PRPF31: variants seen among roughly 807,000 people sequenced by gnomAD.
The protein encoded by PRPF31 is pre-mRNA processing factor 31.
Under a neutral mutation model 60.4 loss-of-function variants are expected in PRPF31, and 12 were observed. The ratio of observed to expected loss-of-function variants is 0.20; its 90% CI spans 0.13 to 0.32. PRPF31 has a LOEUF of 0.32. PRPF31 is among the 10% of genes least tolerant of loss of function. The pLI, the probability that PRPF31 is intolerant of heterozygous loss-of-function variation, is 1.00. For missense variants in PRPF31, 431 were observed against 687.1 expected (o/e 0.63, Z 4.17); for synonymous variants, 287 against 287.9 (o/e 1.00, Z 0.03).
chr19:54,124,971 G>A (rs765677329), intron 8 of PRPF31: 16 of 521,388 alleles, frequency 3.1e-5, no homozygotes, highest in Non-Finnish European at 5.2e-5. Flanking sequence ...TTCAGGCCTA[G>A]CTCACGACAA....
intron 4 of PRPF31, 88 bp downstream of exon 4, chr19:54,122,031 G>T: frequency 7.4e-7 from 1 of 1,350,842 alleles, no homozygotes. Context: ...CCAGGGTCCT[G>T]CCCCTAAGCC....
At chr19:54,122,053 C>T in intron 4 of PRPF31, 110 bp downstream of exon 4, 6 of 1,131,492 alleles carry the variant, frequency 5.3e-6, no homozygotes, top group South Asian at 2.6e-5. Flanking sequence ...AAGCTCAGAT[C>T]GAGGTTGACC....
chr19:54,117,014 G>A (rs1206486407), intron 1 of PRPF31, among the ~76,000 whole-genome samples: 5 of 152,186 alleles, frequency 3.3e-5, no homozygotes, highest in African/African-American at 1.2e-4. Flanking sequence ...AGAATCGCTT[G>A]AGCCCAGGTG....
At chr19:54,127,644 A>C (rs1318910032) in intron 9 of PRPF31, among the ~76,000 whole-genome samples, 3 of 152,128 alleles carry the variant, frequency 2.0e-5, no homozygotes, top group African/African-American at 7.2e-5. Flanking sequence ...TTATTCAGTT[A>C]CCTTCTGTCT....
chr19:54,118,813 C>T (rs1309095454), intron 3 of PRPF31, 180 bp downstream of exon 3: 4 of 633,870 alleles, frequency 6.3e-6, no homozygotes, highest in South Asian at 2.0e-5. Context: ...TTGTAAAGCT[C>T]ATGCTTCTTA....
chr19:54,123,056 G>A (rs1308471907), intron 5 of PRPF31: 3 of 453,236 alleles, frequency 6.6e-6, no homozygotes, highest in Non-Finnish European at 1.2e-5. Flanking sequence ...AGAGGGGCAG[G>A]TGTGCGTGAG....
intron 11 of PRPF31, 24 bp downstream of exon 11, chr19:54,128,401 T>G (rs374197557): frequency 1.5e-5 from 23 of 1,533,806 alleles, no homozygotes; most frequent in Admixed American, 2.0e-5. Flanking sequence ...AGCGCCCTCC[T>G]CAACCCCACA....
chr19:54,126,544 C>T lies in PRPF31; in HGVS notation c.872C>T (p.Ala291Val), dbSNP rs201040660. ...QSLPPDLRRK[A>V]ARLVAAKCTL... ...TTGCTCCAGGATCTGCGGCGGAAAG[C>T]GGCCCGGCTGGTGGCCGCCAAGTGC... Residue 291 changes from alanine to valine, a missense_variant, in exon 9 of 14, where the codon GCG (alanine) becomes GTG (valine). By Grantham distance (64) the Ala-to-Val change is moderately conservative. Transcript: ENST00000321030. The T allele has an allele frequency of 2.1e-5, 34 of 1,613,230 alleles. No individual in the cohort carries two copies. In the Admixed American group the frequency reaches 4.7e-4, roughly 22 times the overall value.
intron 13 of PRPF31, 34 bp from the exon 14 acceptor site, chr19:54,131,273 C>G (rs749574556): frequency 6.2e-7 from 1 of 1,613,096 alleles, no homozygotes; most frequent in East Asian, 2.2e-5. Context: ...TTCTCCTCAC[C>G]TAACCCATCA....
At chr19:54,122,911 G>A (rs587620496) in intron 5 of PRPF31, 2 of 526,826 alleles carry the variant, frequency 3.8e-6, no homozygotes, top group African/African-American at 3.8e-5. Context: ...TTGGGGGAGA[G>A]AGACGTCTAA....
intron 1 of PRPF31, 101 bp downstream of exon 1, chr19:54,115,898 T>G (rs1292879014): frequency 5.5e-6 from 1 of 182,534 alleles, no homozygotes; most frequent in Non-Finnish European, 1.2e-5. Context: ...TTGGTTTTTG[T>G]TTTTTTGTTG....
At chr19:54,119,125 G>A (rs887153505) in intron 3 of PRPF31, among the ~76,000 whole-genome samples, 1 of 152,188 alleles carries the variant, frequency 6.6e-6, no homozygotes, top group Non-Finnish European at 1.5e-5. Flanking sequence ...GCTCACGCCT[G>A]TAATCCCAGC....
At chr19:54,122,723 G>T (rs2073823211) in intron 5 of PRPF31, 129 bp downstream of exon 5, 2 of 794,198 alleles carry the variant, frequency 2.5e-6, no homozygotes, top group South Asian at 2.7e-5. Context: ...TCAGTGGTCT[G>T]CTCTGCCCAG....
At chr19:54,124,148 C>A in intron 7 of PRPF31, 5 of 885,222 alleles carry the variant, frequency 5.6e-6, no homozygotes, top group Middle Eastern at 7.0e-4. Context: ...CCAGAGATGA[C>A]CACACCCAGG....
intron 5 of PRPF31, chr19:54,123,225 G>T: frequency 1.7e-6 from 1 of 605,040 alleles, no homozygotes; most frequent in Non-Finnish European, 3.0e-6. Context: ...CTCTGCCCGG[G>T]CTCCGTTTCC....
At position 54,123,592 on chromosome 19, in the gene PRPF31, T is replaced by G. The variant is rs747218516; in HGVS notation, c.527+32T>G. ...CCGCTTCGAGGGAGGCGCCGGGCCC[T>G]AATGGGATTGGGGATTAGGCTGGAG... On this transcript the variant is annotated intron_variant, in intron 6 of 13. Transcript: ENST00000321030. The G allele has an allele frequency of 2.5e-6, 4 of 1,605,990 alleles. No individual in the cohort carries two copies. In the Admixed American group the frequency reaches 5.0e-5, roughly 20 times the overall value.
At chr19:54,123,428 C>T (rs1160532982) in intron 5 of PRPF31, 26 bp from the exon 6 acceptor site, 2 of 1,582,830 alleles carry the variant, frequency 1.3e-6, no homozygotes, top group East Asian at 4.5e-5. Context: ...TCCCGAGCCT[C>T]CCCTATCTTC....
intron 5 of PRPF31, 171 bp from the exon 6 acceptor site, chr19:54,123,267 TGCTTGACGTGGTGGAG>T: frequency 1.5e-6 from 1 of 648,644 alleles, no homozygotes; most frequent in Non-Finnish European, 2.8e-6. Flanking sequence ...ATGGTGTGGA[TGCTTGACGTGGTGGAG>T]GCAGGAATGG....
At chr19:54,127,168 G>A (rs2073941778) in intron 9 of PRPF31, among the ~76,000 whole-genome samples, 2 of 152,148 alleles carry the variant, frequency 1.3e-5, no homozygotes, top group Non-Finnish European at 2.9e-5. Context: ...GGTCCTGTAG[G>A]TCAGAAGTCC....
Sources: allele counts gnomAD v4.1 joint callset (sites outside exome capture counted in the v4.1 genomes callset), GRCh38; gene constraint gnomAD v4.1.1; transcripts MANE v1.5; gene names NCBI Gene and HGNC (gene_info 2026-07-23, HGNC 2026-07-21).